The following CALN1 variants were observed in gnomAD, a reference collection of about 807,000 sequenced individuals.
The protein encoded by CALN1 is calcium-binding protein 8.
A neutral mutation model predicts 30.6 loss-of-function variants in CALN1; 17 were observed. The observed-to-expected ratio is 0.56, with a 90% CI of 0.38 to 0.83. The LOEUF is 0.83. CALN1 is among the 40% of genes least tolerant of loss of function. CALN1 has a pLI of 0.00. For synonymous variants in CALN1, 156 were observed against 131.4 expected (o/e 1.19, Z -1.28); for missense variants, 291 against 354.9 (o/e 0.82, Z 1.45).
At chr7:72,017,822 A>G (rs916593517) in intron 5 of CALN1, among the ~76,000 whole-genome samples, 1 of 152,176 alleles carries the variant, frequency 6.6e-6, no homozygotes. Flanking sequence ...CCAGTTCTAC[A>G]TGAGATGTTT....
rs1792913864 is a variant in CALN1 at position 71,785,052 on chromosome 7, T to TTTCC, written c.*2722_*2723insGGAA. 1 of 394,778 alleles carries TTTCC rather than the reference T, an allele frequency of 2.5e-6. No homozygotes were observed. The highest frequency in any genetic ancestry group is 2.1e-5 in the African/African-American group (1 of 48,560). The allele number at this position is 394,778 out of a possible 1,614,324, so 24.5% of individuals were successfully genotyped here. A position where few individuals can be genotyped will look rare whatever the true frequency, so the allele number is the denominator to read the frequency against. ...CTCTGAGCTCCTGAAGTCTAAGGAATGCCGCTAGCTCAGGGCCGTCTCCAC... is the reference window on the plus strand; with the variant it reads ...CTCTGAGCTCCTGAAGTCTAAGGAATTTCCGCCGCTAGCTCAGGGCCGTCTCCAC... On this transcript the variant is annotated 3_prime_UTR_variant, in exon 7 of 7. Coordinates refer to ENST00000395275, the MANE Select transcript of CALN1 (RefSeq NM_031468.4).
chr7:72,180,856 G>A (rs1490337304), intron 3 of CALN1, among the ~76,000 whole-genome samples: 1 of 151,928 alleles, frequency 6.6e-6, no homozygotes, highest in East Asian at 1.9e-4. Context: ...CAAGCACTTT[G>A]GGAGGCCAAG....
At chr7:72,074,054 A>T (rs2129538261) in intron 4 of CALN1, among the ~76,000 whole-genome samples, 1 of 152,290 alleles carries the variant, frequency 6.6e-6, no homozygotes, top group South Asian at 2.1e-4. Context: ...GTCGGATAAG[A>T]ACTGGGGAGA....
At chr7:72,410,588 G>GT (rs1322708186) in intron 1 of CALN1, among the ~76,000 whole-genome samples, 7 of 152,314 alleles carry the variant, frequency 4.6e-5, no homozygotes, top group Non-Finnish European at 1.0e-4. Context: ...TCTTCTGCAA[G>GT]TGAGACTTCT....
chr7:72,069,743 G>C lies in CALN1; in HGVS notation c.388+36408C>G, dbSNP rs1364276802. On this transcript the variant is annotated intron_variant, in intron 4 of 6. Transcript: ENST00000395275. The stretch of plus-strand genomic sequence containing the variant: ...ACATTTACAAGTTCAAAGAGGGAGA[G>C]CTTGATATCTTTGGGAGGCCATTTT... 2.0e-5 allele frequency among the ~76,000 whole-genome samples: 3 copies of C among 152,116 alleles called. No individual in the cohort carries two copies. The East Asian group carries it at 5.8e-4, about 29-fold the overall frequency.
At chr7:71,954,667 G>A (rs1369926192) in intron 5 of CALN1, among the ~76,000 whole-genome samples, 1 of 152,070 alleles carries the variant, frequency 6.6e-6, no homozygotes. Flanking sequence ...TTAAAAAGAA[G>A]ATACGGATTG....
At chr7:72,005,505 T>G (rs544917748) in intron 5 of CALN1, among the ~76,000 whole-genome samples, 231 of 152,046 alleles carry the variant, frequency 1.5e-3, no homozygotes, top group Non-Finnish European at 1.9e-3. Context: ...ACTTATGCAT[T>G]TTTTAAATAG....
At position 71,992,754 on chromosome 7, in the gene CALN1, A is replaced by G. The variant is rs137993159; in HGVS notation, c.501+30903T>C. Among the ~76,000 whole-genome samples the G allele has an allele frequency of 7.0e-4, 107 of 152,352 alleles. 1 individual carries two copies. The East Asian group carries it at 0.02, about 28-fold the overall frequency. On this transcript the variant is annotated intron_variant, in intron 5 of 6. Coordinates refer to ENST00000395275, the MANE Select transcript of CALN1 (RefSeq NM_031468.4). ...TTACCTTTGGGCTGCAATAAACTCT[A>G]TACTTAATCATATTTTCGAGACCAG...
At chr7:72,189,253 T>C (rs1790432763) in intron 3 of CALN1, among the ~76,000 whole-genome samples, 1 of 152,210 alleles carries the variant, frequency 6.6e-6, no homozygotes, top group Non-Finnish European at 1.5e-5. Context: ...GGGAGCCAAG[T>C]GGTTGCACTA....
chr7:72,457,030 C>T, the CALN1 span, among the ~76,000 whole-genome samples: 8 of 94,050 alleles, frequency 8.5e-5, no homozygotes, highest in Admixed American at 1.1e-3. Context: ...TTTTTTGAGA[C>T]AGAGTTTCCT....
chr7:72,485,086 C>CA, the CALN1 span, among the ~76,000 whole-genome samples: 5,453 of 151,746 alleles, frequency 0.036, 138 homozygotes, highest in Middle Eastern at 0.051. Context: ...ACTAAAAATA[C>CA]AAAAAAAAAT....
intron 6 of CALN1, among the ~76,000 whole-genome samples, chr7:71,790,351 G>C (rs867788303): frequency 1.1e-5 from 1 of 88,902 alleles, no homozygotes; most frequent in Non-Finnish European, 2.3e-5. Context: ...AGAAAGAAAA[G>C]AAAGAAAGAA....
the CALN1 span, among the ~76,000 whole-genome samples, chr7:72,482,653 A>G: frequency 1.3e-5 from 2 of 152,120 alleles, no homozygotes; most frequent in African/African-American, 4.8e-5. Flanking sequence ...ATCTTTGACT[A>G]TTGTTGTCAT....
rs138164912 is a variant in CALN1, at chr7:71,864,097, C to T, written c.502-53605G>A. Among the ~76,000 whole-genome samples, 9 of 152,174 alleles carry T rather than the reference C, an allele frequency of 5.9e-5. No individual in the cohort carries two copies. In the East Asian group the frequency reaches 1.7e-3, roughly 29 times the overall value. ...TTAATGTTTAAATAAGATCCTCCCC[C>T]CCGATTACAATTCTTCAAATAGCTT... On this transcript the variant is annotated intron_variant, in intron 5 of 6. Coordinates refer to ENST00000395275, the MANE Select transcript of CALN1 (RefSeq NM_031468.4).
At chr7:72,366,038 A>T (rs1803858830) in intron 2 of CALN1, among the ~76,000 whole-genome samples, 1 of 152,172 alleles carries the variant, frequency 6.6e-6, no homozygotes, top group Non-Finnish European at 1.5e-5. Flanking sequence ...GTTTATAAGG[A>T]TGTGGAATAA....
At chr7:71,796,230 G>T (rs899966131) in intron 6 of CALN1, among the ~76,000 whole-genome samples, 2 of 151,812 alleles carry the variant, frequency 1.3e-5, no homozygotes, top group Admixed American at 6.6e-5. Flanking sequence ...CACCTTTTGG[G>T]TACTATATGA....
chr7:72,324,517 G>T (rs1562887430), intron 2 of CALN1, among the ~76,000 whole-genome samples: 1 of 151,274 alleles, frequency 6.6e-6, no homozygotes, highest in African/African-American at 2.4e-5. Context: ...CTCATTTTCA[G>T]CTCTGGCTCT....
chr7:71,832,767 ATTTT>A (rs140779066), intron 5 of CALN1, among the ~76,000 whole-genome samples: 3 of 137,836 alleles, frequency 2.2e-5, no homozygotes, highest in Non-Finnish European at 1.6e-5. Context: ...CGCCAGGCTA[ATTTT>A]TTTTTTTTTT....
the CALN1 span, among the ~76,000 whole-genome samples, chr7:72,489,005 C>A: frequency 1.3e-5 from 2 of 152,120 alleles, no homozygotes; most frequent in Non-Finnish European, 2.9e-5. Flanking sequence ...ATGAGACAGT[C>A]AAGATAGATA....
Sources: gnomAD v4.1 joint callset for allele counts (sites outside exome capture counted in the v4.1 genomes callset) on GRCh38, gnomAD v4.1.1 for gene constraint, MANE v1.5 for transcripts, NCBI Gene and HGNC (gene_info 2026-07-23, HGNC 2026-07-21) for gene names.